LDLRAP1: variants seen among roughly 807,000 people sequenced by gnomAD.
LDLRAP1 encodes the protein low density lipoprotein receptor adaptor protein 1.
Under a neutral mutation model 37.8 loss-of-function variants are expected in LDLRAP1, and 30 were observed. The ratio of observed to expected loss-of-function variants is 0.79; its 90% CI spans 0.59 to 1.08. The LOEUF (loss-of-function observed/expected upper bound fraction) is 1.08, where lower values mean the gene tolerates loss of function less well. LDLRAP1 is among the 50% of genes least tolerant of loss of function. The pLI is 0.00. For missense variants in LDLRAP1, 375 were observed against 401.6 expected (o/e 0.93, Z 0.57); for synonymous variants, 156 against 169.8 (o/e 0.92, Z 0.63).
chr1:25,562,160 C>CCT, intron 4 of LDLRAP1, among the ~76,000 whole-genome samples: 1 of 152,372 alleles, frequency 6.6e-6, no homozygotes, highest in Non-Finnish European at 1.5e-5. Flanking sequence ...CTAACTTTCA[C>CCT]CTCTCTGGCT....
At chr1:25,575,198 G>A in the LDLRAP1 span, among the ~76,000 whole-genome samples, 1 of 152,184 alleles carries the variant, frequency 6.6e-6, no homozygotes. Flanking sequence ...CCAAGGAAGA[G>A]TCAGATCTCT....
chr1:25,550,449 G>A (rs1011960165), intron 1 of LDLRAP1, among the ~76,000 whole-genome samples: 1 of 152,220 alleles, frequency 6.6e-6, no homozygotes, highest in Non-Finnish European at 1.5e-5. Flanking sequence ...AGTGAAGAAA[G>A]GGCATTTAGG....
Position 25,543,619 on chromosome 1 carries a change from C to G in LDLRAP1, c.-80C>G, listed in dbSNP as rs575024313. On this transcript the variant is annotated 5_prime_UTR_variant, in exon 1 of 9. Transcript: ENST00000374338. Reference sequence around the variant, plus strand: ...GCTGGGAGGGGAGGAGCGCGCAGCCCGCGCGCCGCAGGGCCGGGCGGAAAG... The same window carrying G: ...GCTGGGAGGGGAGGAGCGCGCAGCCGGCGCGCCGCAGGGCCGGGCGGAAAG... The G allele has an allele frequency of 7.8e-6, 8 of 1,024,252 alleles. No individual in the cohort carries two copies. The highest frequency in any genetic ancestry group is 6.2e-6 in the Non-Finnish European group (5 of 808,276). 63.4% of individuals were successfully genotyped at this position (1,024,252 alleles called of 1,614,324 possible). A position where few individuals can be genotyped will look rare whatever the true frequency, so the allele number is the denominator to read the frequency against.
Position 25,559,855 on chromosome 1 carries a change from C to T in LDLRAP1, c.459+2588C>T, listed in dbSNP as rs375581747. Reference sequence around the variant, plus strand: ...CAGCTCCGCCACAGAGGTTTGGCACCGTCTGTCCTGGCCTGAGCCATGGAG... The same window carrying T: ...CAGCTCCGCCACAGAGGTTTGGCACTGTCTGTCCTGGCCTGAGCCATGGAG... On this transcript the variant is annotated intron_variant, in intron 4 of 8. Transcript: ENST00000374338. 1.6e-4 allele frequency among the ~76,000 whole-genome samples: 25 copies of T among 152,328 alleles called. No homozygotes were observed. The South Asian group carries it at 3.5e-3, about 21-fold the overall frequency.
chr1:25,554,836 C>T lies in LDLRAP1; in HGVS notation c.232-24C>T. 2 of 1,589,642 alleles carry T rather than the reference C, an allele frequency of 1.3e-6. No homozygotes were observed. The highest frequency in any genetic ancestry group is 1.7e-6 in the Non-Finnish European group (2 of 1,158,774). ...GGTCTCAAGTGAGGCTGGCAGACTC[C>T]TCTGACTCCTGTCTGCTCCCAAGGC... On this transcript the variant is annotated intron_variant, in intron 2 of 8. Transcript: ENST00000374338. The surrounding 1 kb of genome is among the most constrained non-coding windows in gnomAD (Gnocchi z 5.4).
In LDLRAP1 at chr1:25,563,680, G is replaced by A. The variant is rs1163995825; in HGVS notation, c.636G>A (p.Leu212=). Residue 212 remains leucine, a synonymous_variant, in exon 7 of 9, where the codon CTG becomes CTA. Transcript: ENST00000374338. ...TCACAGTGGTCGCCACTGGGAACCT[G>A]CTGGACTTAGAGGAGACAGCTAAGG... ...SLKSLVATGN[L]LDLEETAKAP... The A allele has an allele frequency of 4.3e-6, 7 of 1,613,780 alleles. No homozygotes were observed. The highest frequency in any genetic ancestry group is 5.9e-6 in the Non-Finnish European group (7 of 1,180,014).
chr1:25,563,936 G>A, intron 7 of LDLRAP1, 145 bp downstream of exon 7: 1 of 986,160 alleles, frequency 1.0e-6, no homozygotes, highest in Non-Finnish European at 1.6e-6. Flanking sequence ...CCCAGGCGCA[G>A]GATAGGGGAT....
chr1:25,582,457 C>T, the LDLRAP1 span, among the ~76,000 whole-genome samples: 1 of 151,714 alleles, frequency 6.6e-6, no homozygotes, highest in East Asian at 1.9e-4. Context: ...TGGTGGCATG[C>T]ACCTGTAGTC....
chr1:25,558,474 T>A (rs1476849777), intron 4 of LDLRAP1, among the ~76,000 whole-genome samples: 1 of 152,254 alleles, frequency 6.6e-6, no homozygotes, highest in Non-Finnish European at 1.5e-5. Context: ...AAATGTATTC[T>A]GTGACAGAAG....
downstream of LDLRAP1, among the ~76,000 whole-genome samples, chr1:25,569,998 C>T (rs2044581589): frequency 6.6e-6 from 1 of 152,234 alleles, no homozygotes; most frequent in Admixed American, 6.5e-5. Flanking sequence ...GTTCTTTCAG[C>T]CACTCTCCGG....
chr1:25,556,430 T>G (rs1267505914), intron 3 of LDLRAP1, among the ~76,000 whole-genome samples: 1 of 152,144 alleles, frequency 6.6e-6, no homozygotes, highest in African/African-American at 2.4e-5. Context: ...GGGCTCCTTG[T>G]TGGGTCCTCG....
At chr1:25,562,854 A>C in intron 5 of LDLRAP1, 138 bp downstream of exon 5, 3 of 729,324 alleles carry the variant, frequency 4.1e-6, no homozygotes, top group South Asian at 3.0e-5. Context: ...CACCGCTCAG[A>C]GTCTCGGTTT....
At chr1:25,589,499 T>C in the LDLRAP1 span, among the ~76,000 whole-genome samples, 1 of 152,128 alleles carries the variant, frequency 6.6e-6, no homozygotes, top group Non-Finnish European at 1.5e-5. Flanking sequence ...TTTGAATCCA[T>C]AGACTAAGTA....
intron 1 of LDLRAP1, among the ~76,000 whole-genome samples, chr1:25,551,399 T>G (rs2044068407): frequency 6.6e-6 from 1 of 152,232 alleles, no homozygotes; most frequent in Admixed American, 6.5e-5. Flanking sequence ...GGTCAGGAGC[T>G]TGGGCTTTAG....
chr1:25,562,709 C>T lies in LDLRAP1; in HGVS notation c.525C>T (p.Ser175=), dbSNP rs747937944. The T allele has an allele frequency of 6.2e-7, 1 of 1,613,906 alleles. No individual in the cohort carries two copies. Among genetic ancestry groups the T allele is most frequent in the Admixed American group, 1.7e-5 (1 of 60,026 alleles). Residue 175 remains serine, a synonymous_variant, in exon 5 of 9, where the codon TCC becomes TCT. Coordinates refer to ENST00000374338, the MANE Select transcript of LDLRAP1 (RefSeq NM_015627.3). ...TCGCCTTTGAGTTTTGGCAGGTGTC[C>T]AAGGAAGGTGAGACTTTGCATCTAC... is the stretch of plus-strand genomic sequence containing the variant. The part of the protein sequence containing the change: ...FKVAFEFWQV[S]KEEKEKRDKA...
At chr1:25,581,736 T>C in the LDLRAP1 span, 1 of 152,350 alleles carries the variant, frequency 6.6e-6, no homozygotes, top group Admixed American at 6.5e-5. Flanking sequence ...CCCCAGGCAG[T>C]AGCTGACCTG....
At chr1:25,572,258 C>T (rs1232829405), downstream of LDLRAP1, among the ~76,000 whole-genome samples, 5 of 152,174 alleles carry the variant, frequency 3.3e-5, no homozygotes, top group Non-Finnish European at 5.9e-5. Flanking sequence ...GCCTGGCTCC[C>T]ATGAGAGCTG....
Position 25,554,077 on chromosome 1 carries a change from G to A in LDLRAP1, c.231+13G>A. 1.2e-6 allele frequency: 2 copies of A among 1,613,292 alleles called. No homozygotes were observed. Among genetic ancestry groups the A allele is most frequent in the Non-Finnish European group, 1.7e-6 (2 of 1,179,998 alleles). On this transcript the variant is annotated intron_variant, in intron 2 of 8. Coordinates refer to ENST00000374338, the MANE Select transcript of LDLRAP1 (RefSeq NM_015627.3). The surrounding 1 kb of genome is among the most constrained non-coding windows in gnomAD (Gnocchi z 5.4). ...GATCGTGGCTACAGTGAGCACCCCA[G>A]TCAGGAAGGGTGGGGGAACCAGGGA...
chr1:25,552,724 C>A (rs1255058029), intron 1 of LDLRAP1, among the ~76,000 whole-genome samples: 1 of 152,194 alleles, frequency 6.6e-6, no homozygotes, highest in Non-Finnish European at 1.5e-5. Flanking sequence ...TCAGTGCAGC[C>A]TGCTTTTGCC....
Sources: gnomAD v4.1 joint callset for allele counts (sites outside exome capture counted in the v4.1 genomes callset) on GRCh38, gnomAD v4.1.1 for gene constraint, Gnocchi (gnomAD v3.1) non-coding constraint, MANE v1.5 for transcripts, NCBI Gene and HGNC (gene_info 2026-07-23, HGNC 2026-07-21) for gene names.